The following SCRG1 variants were observed in gnomAD, a reference collection of about 807,000 sequenced individuals.
SCRG1 encodes stimulator of chondrogenesis 1, also known as scrapie-responsive protein 1.
SCRG1 carries 3 observed loss-of-function variants against 7.7 expected under a neutral mutation model. The observed-to-expected ratio is 0.39, with a 90% CI of 0.18 to 1.01. SCRG1 has a LOEUF of 1.01. Ranked by LOEUF, SCRG1 falls within the 50% of genes least tolerant of loss-of-function variation. The pLI is 0.36. For synonymous variants in SCRG1, 46 were observed against 41.2 expected (o/e 1.12, Z -0.44); for missense variants, 110 against 117.2 (o/e 0.94, Z 0.28).
chr4:173,478,834 C>T, the SCRG1 span, among the ~76,000 whole-genome samples: 64 of 152,192 alleles, frequency 4.2e-4, no homozygotes, highest in African/African-American at 1.5e-3. Context: ...ATAAAGAAAA[C>T]GAACGGACAC....
At chr4:173,388,885 C>T (rs911872323) in intron 2 of SCRG1, among the ~76,000 whole-genome samples, 2 of 152,052 alleles carry the variant, frequency 1.3e-5, no homozygotes, top group African/African-American at 4.8e-5. Flanking sequence ...AAATTATATA[C>T]AAATGCAAGG....
At chr4:173,446,546 CAGTT>C in the SCRG1 span, 1 of 152,144 alleles carries the variant, frequency 6.6e-6, no homozygotes, top group African/African-American at 2.4e-5. Flanking sequence ...GAAGGTTTCT[CAGTT>C]AGTCAAGTTA....
the SCRG1 span, among the ~76,000 whole-genome samples, chr4:173,428,022 G>A: frequency 3.9e-5 from 6 of 152,272 alleles, no homozygotes; most frequent in African/African-American, 1.4e-4. Context: ...ATCAGAAAAT[G>A]TTAGACACAA....
chr4:173,479,729 C>T, the SCRG1 span, among the ~76,000 whole-genome samples: 2 of 152,020 alleles, frequency 1.3e-5, no homozygotes, highest in African/African-American at 4.8e-5. Context: ...CGTGAGCCAC[C>T]ATGCCCAGCC....
the SCRG1 span, among the ~76,000 whole-genome samples, chr4:173,437,885 AAG>A: frequency 6.6e-6 from 1 of 152,204 alleles, no homozygotes; most frequent in Non-Finnish European, 1.5e-5. Flanking sequence ...AAGATGCACA[AAG>A]AGAGAACGGT....
chr4:173,407,172 G>A (rs887300050), upstream of SCRG1, among the ~76,000 whole-genome samples: 2 of 149,640 alleles, frequency 1.3e-5, no homozygotes, highest in African/African-American at 5.0e-5. Flanking sequence ...TCATGCCACT[G>A]TATTCCAGCC....
chr4:173,437,315 C>T, the SCRG1 span, among the ~76,000 whole-genome samples: 2 of 152,140 alleles, frequency 1.3e-5, no homozygotes, highest in African/African-American at 4.8e-5. Flanking sequence ...GTGTGGGCAT[C>T]CTTTCTAATT....
At chr4:173,480,665 C>A in the SCRG1 span, among the ~76,000 whole-genome samples, 3 of 152,006 alleles carry the variant, frequency 2.0e-5, no homozygotes, top group East Asian at 3.9e-4. Context: ...CCATGATAAT[C>A]ATTTGAATAT....
At chr4:173,458,791 CACTTAAAAGAT>C in the SCRG1 span, among the ~76,000 whole-genome samples, 37 of 152,144 alleles carry the variant, frequency 2.4e-4, no homozygotes, top group East Asian at 7.1e-3. Flanking sequence ...TTAAATTCCC[CACTTAAAAGAT>C]ACAGACTGGC....
the SCRG1 span, among the ~76,000 whole-genome samples, chr4:173,481,366 G>T: frequency 2.4e-4 from 37 of 152,136 alleles, no homozygotes; most frequent in Non-Finnish European, 4.3e-4. Context: ...GTTAATTGAA[G>T]CATAGTGAGT....
the SCRG1 span, among the ~76,000 whole-genome samples, chr4:173,484,149 G>GATATAT: frequency 3.8e-3 from 330 of 87,614 alleles, 5 homozygotes; most frequent in Admixed American, 6.8e-3. Context: ...ATAGAATATA[G>GATATAT]AATATTTTCT....
the SCRG1 span, among the ~76,000 whole-genome samples, chr4:173,414,686 G>C: frequency 6.6e-6 from 1 of 152,372 alleles, no homozygotes; most frequent in Admixed American, 6.5e-5. Flanking sequence ...CTTCTTGTCA[G>C]CTGTGTTCAC....
the SCRG1 span, among the ~76,000 whole-genome samples, chr4:173,461,130 G>A: frequency 1.1e-4 from 16 of 152,198 alleles, no homozygotes; most frequent in Non-Finnish European, 1.5e-4. Context: ...GGGCCCACCC[G>A]GGGCCTGGAA....
chr4:173,437,837 C>T, the SCRG1 span, among the ~76,000 whole-genome samples: 4 of 152,146 alleles, frequency 2.6e-5, no homozygotes, highest in Non-Finnish European at 5.9e-5. Context: ...GATTTAAAAA[C>T]AGCAGCAACA....
the SCRG1 span, among the ~76,000 whole-genome samples, chr4:173,513,420 A>T: frequency 1.3e-5 from 2 of 152,302 alleles, no homozygotes; most frequent in Non-Finnish European, 2.9e-5. Flanking sequence ...CTTAAAGTAC[A>T]TGAGTAACAA....
chr4:173,487,565 AT>A, the SCRG1 span, among the ~76,000 whole-genome samples: 1 of 152,180 alleles, frequency 6.6e-6, no homozygotes, highest in Non-Finnish European at 1.5e-5. Flanking sequence ...AAGGAAGTAA[AT>A]TTAAAATGAG....
upstream of SCRG1, among the ~76,000 whole-genome samples, chr4:173,408,865 C>A (rs1008338104): frequency 6.6e-6 from 1 of 151,652 alleles, no homozygotes; most frequent in Admixed American, 6.6e-5. Context: ...TGGTGGCGGG[C>A]GCCTGTGGTC....
the SCRG1 span, among the ~76,000 whole-genome samples, chr4:173,479,410 C>T: frequency 2.0e-5 from 3 of 151,014 alleles, no homozygotes; most frequent in Non-Finnish European, 4.4e-5. Context: ...AAATTAAAAG[C>T]ACAACCTGTT....
At chr4:173,405,973 C>T (rs1233698001) in intron 1 of SCRG1, among the ~76,000 whole-genome samples, 2 of 152,244 alleles carry the variant, frequency 1.3e-5, no homozygotes, top group Non-Finnish European at 2.9e-5. Context: ...TCATTCCTCT[C>T]AGCTGACAGA....
Sources: gnomAD v4.1 joint callset for allele counts (sites outside exome capture counted in the v4.1 genomes callset) on GRCh38, gnomAD v4.1.1 for gene constraint, MANE v1.5 for transcripts, NCBI Gene and HGNC (gene_info 2026-07-23, HGNC 2026-07-21) for gene names.